Variants in MAPRE3 observed in about 807,000 individuals in gnomAD.
MAPRE3 encodes the protein microtubule-associated protein RP/EB family member 3.
MAPRE3 carries 2 observed loss-of-function variants against 30.5 expected under a neutral mutation model. The observed-to-expected ratio is 0.07, with a 90% CI of 0.03 to 0.21. The LOEUF (loss-of-function observed/expected upper bound fraction) is 0.21. Among genes scored for constraint, MAPRE3 ranks in the 10% least tolerant of loss-of-function variants. The probability of loss-of-function intolerance (pLI) is 1.00; values close to 1 mark genes in which losing one functional copy is unlikely to be tolerated. For synonymous variants in MAPRE3, 110 were observed against 127.7 expected (o/e 0.86, Z 0.93); for missense variants, 204 against 351.8 (o/e 0.58, Z 3.36).
intron 1 of MAPRE3, among the ~76,000 whole-genome samples, chr2:26,987,063 G>A (rs1666238553): frequency 6.6e-6 from 1 of 152,046 alleles, no homozygotes; most frequent in South Asian, 2.1e-4. Context: ...ACCATCAAAA[G>A]CCAAGTTCCC....
chr2:27,020,731 G>GC (rs1186844033), intron 1 of MAPRE3, among the ~76,000 whole-genome samples: 1 of 152,224 alleles, frequency 6.6e-6, no homozygotes, highest in East Asian at 1.9e-4. Flanking sequence ...GGCAAATTCG[G>GC]CCAAGGAGTG....
At chr2:27,022,572 ACTC>A (rs1409758209) in intron 2 of MAPRE3, 1 of 487,262 alleles carries the variant, frequency 2.1e-6, no homozygotes, top group Non-Finnish European at 3.6e-6. Flanking sequence ...ATAGCCTACT[ACTC>A]CTAGGCTAAA....
chr2:26,975,070 A>G (rs1208601349), intron 1 of MAPRE3, among the ~76,000 whole-genome samples: 2 of 152,214 alleles, frequency 1.3e-5, no homozygotes, highest in Non-Finnish European at 2.9e-5. Flanking sequence ...TGCTCCATGT[A>G]TTCAGCCAAC....
Position 26,970,648 on chromosome 2 carries a change from C to A in MAPRE3, c.-162C>A, listed in dbSNP as rs1445329922. 1 of 152,244 alleles carries A rather than the reference C, an allele frequency of 6.6e-6. No homozygotes were observed. The highest frequency in any genetic ancestry group is 2.4e-5 in the African/African-American group (1 of 41,464). The allele number at this position is 152,244 out of a possible 1,614,324, so 9.4% of individuals were successfully genotyped here. A position where few individuals can be genotyped will look rare whatever the true frequency, so the allele number is the denominator to read the frequency against. On this transcript the variant is annotated 5_prime_UTR_variant, in exon 1 of 7. Transcript: ENST00000233121. ...CATCGCGCCTGCGCAGTGCCCTCGT[C>A]CCCCGCAGTCTCTGTGCGTTGAAGC...
At chr2:26,998,718 G>A (rs114794333) in intron 1 of MAPRE3, among the ~76,000 whole-genome samples, 62 of 152,316 alleles carry the variant, frequency 4.1e-4, no homozygotes, top group African/African-American at 1.5e-3. Context: ...TACCCAGAAG[G>A]CTAGGCTAAC....
chr2:27,025,486 C>T (rs573308306), intron 4 of MAPRE3, 97 bp from the exon 5 acceptor site: 12 of 1,290,786 alleles, frequency 9.3e-6, no homozygotes, highest in South Asian at 5.8e-5. Flanking sequence ...GCCTGCCTGT[C>T]GCATGGGCCT....
Position 27,025,702 on chromosome 2 carries a change from G to A in MAPRE3, c.589G>A (p.Glu197Lys). 1.2e-6 allele frequency: 2 copies of A among 1,614,208 alleles called. No individual in the cohort carries two copies. The highest frequency in any genetic ancestry group is 1.7e-6 in the Non-Finnish European group (2 of 1,180,026). The change falls in exon 5 of 7, where the codon GAG (glutamate) becomes AAG (lysine). Residue 197 changes from glutamate to lysine, a missense_variant. By Grantham distance (56) the Glu-to-Lys change is moderately conservative. Coordinates refer to ENST00000233121, the MANE Select transcript of MAPRE3 (RefSeq NM_012326.4). Reference protein sequence around the residue: ...NPPSARNGGHETDAQILELNQ... With the variant: ...NPPSARNGGHKTDAQILELNQ... ...TCCATCAGCCCGAAATGGCGGCCAT[G>A]AGACTGATGCCCAAATTCTTGAACT...
At position 27,026,271 on chromosome 2, in the gene MAPRE3, A is replaced by C. The variant is rs1667240174; in HGVS notation, c.778-9A>C. The C allele has an allele frequency of 1.2e-6, 2 of 1,610,768 alleles. No homozygotes were observed. Among genetic ancestry groups the C allele is most frequent in the Non-Finnish European group, 1.7e-6 (2 of 1,178,522 alleles). On this transcript the variant is annotated splice_polypyrimidine_tract_variant and intron_variant, in intron 6 of 6. Transcript: ENST00000233121. ...GGCCCACCACTTTCCTCTCTCTCCC[A>C]CCCTCCAGGAAGGATTCGCACCCCC...
chr2:27,025,771 C>T (rs1237650594), intron 5 of MAPRE3, 34 bp downstream of exon 5: 4 of 1,613,944 alleles, frequency 2.5e-6, no homozygotes, highest in African/African-American at 1.3e-5. Flanking sequence ...CTGAGATAGC[C>T]CTGTCACCAA....
At chr2:26,991,536 T>TA (rs1666343734) in intron 1 of MAPRE3, among the ~76,000 whole-genome samples, 2 of 152,222 alleles carry the variant, frequency 1.3e-5, no homozygotes. Context: ...CTCAAATCCC[T>TA]ACTCCAGTTC....
chr2:27,025,213 C>T (rs1159360673), intron 4 of MAPRE3, among the ~76,000 whole-genome samples: 1 of 152,224 alleles, frequency 6.6e-6, no homozygotes. Context: ...CCTGTGCCAG[C>T]TGCCTTTCCT....
intron 1 of MAPRE3, among the ~76,000 whole-genome samples, chr2:26,974,081 T>G (rs932454778): frequency 6.6e-6 from 1 of 152,214 alleles, no homozygotes; most frequent in African/African-American, 2.4e-5. Flanking sequence ...AAAAACACTT[T>G]GTAAACTGTG....
intron 1 of MAPRE3, among the ~76,000 whole-genome samples, chr2:27,004,086 A>G (rs1440044): frequency 0.58 from 87,490 of 152,008 alleles, 25,644 homozygotes; most frequent in East Asian, 0.76. Context: ...CCATACACAT[A>G]ATGATGTCCA....
intron 1 of MAPRE3, among the ~76,000 whole-genome samples, chr2:26,972,095 C>G (rs1004897989): frequency 6.6e-6 from 1 of 152,134 alleles, no homozygotes; most frequent in African/African-American, 2.4e-5. Context: ...ACTTGAGGGC[C>G]CCTAACTACT....
intron 1 of MAPRE3, among the ~76,000 whole-genome samples, chr2:27,019,972 G>A (rs547164138): frequency 3.3e-5 from 5 of 152,282 alleles, no homozygotes; most frequent in East Asian, 1.9e-4. Context: ...CAGATCCTCC[G>A]GGCATCTTGG....
intron 1 of MAPRE3, among the ~76,000 whole-genome samples, chr2:27,019,972 G>C (rs547164138): frequency 1.3e-5 from 2 of 152,164 alleles, no homozygotes; most frequent in Non-Finnish European, 2.9e-5. Context: ...CAGATCCTCC[G>C]GGCATCTTGG....
Position 26,985,941 on chromosome 2 carries a change from T to TACC in MAPRE3, c.-8+15140_-8+15142dup, listed in dbSNP as rs1666209591. ...AGAGCCTTCAGAGGGAGGGCAGCCC[T>TACC]ACCGATGCTGTGATGCTGGACTTCT... On this transcript the variant is annotated intron_variant, in intron 1 of 6. Transcript: ENST00000233121. The surrounding 1 kb of genome is among the most constrained non-coding windows in gnomAD (Gnocchi z 4.2). Among the ~76,000 whole-genome samples, 2 of 152,152 alleles carry TACC rather than the reference T, an allele frequency of 1.3e-5. No homozygotes were observed. Among genetic ancestry groups the TACC allele is most frequent in the Admixed American group, 1.3e-4 (2 of 15,282 alleles).
chr2:27,018,992 C>G (rs549402847), intron 1 of MAPRE3, among the ~76,000 whole-genome samples: 1 of 151,928 alleles, frequency 6.6e-6, no homozygotes, highest in Non-Finnish European at 1.5e-5. Context: ...TCTTGGCTCA[C>G]TGCAACACTC....
intron 1 of MAPRE3, among the ~76,000 whole-genome samples, chr2:27,010,973 C>T (rs1666844218): frequency 6.6e-6 from 1 of 152,140 alleles, no homozygotes; most frequent in African/African-American, 2.4e-5. Context: ...AGAGTTTCAT[C>T]ATTTCTTATT....
Sources: gnomAD v4.1 joint callset for allele counts (sites outside exome capture counted in the v4.1 genomes callset) on GRCh38, gnomAD v4.1.1 for gene constraint, Gnocchi (gnomAD v3.1) non-coding constraint, MANE v1.5 for transcripts, NCBI Gene and HGNC (gene_info 2026-07-23, HGNC 2026-07-21) for gene names.